MEGF11: variants seen among roughly 807,000 people sequenced by gnomAD.
The protein encoded by MEGF11 is multiple epidermal growth factor-like domains protein 11.
MEGF11 carries 126 observed loss-of-function variants against 146.6 expected under a neutral mutation model. The ratio of observed to expected loss-of-function variants is 0.86; its 90% CI spans 0.74 to 1.00. The LOEUF is 1.00. Among genes scored for constraint, MEGF11 ranks in the 50% least tolerant of loss-of-function variants. The probability of loss-of-function intolerance (pLI) is 0.00; values close to 1 mark genes in which losing one functional copy is unlikely to be tolerated. For synonymous variants in MEGF11, 532 were observed against 583.4 expected, an observed-to-expected ratio of 0.91 and a Z score of 1.27; for missense variants, 1,509 against 1,521.2, an observed-to-expected ratio of 0.99 and a Z score of 0.13.
chr15:66,046,457 G>C (rs1009600611), intron 5 of MEGF11, among the ~76,000 whole-genome samples: 2 of 152,348 alleles, frequency 1.3e-5, no homozygotes, highest in Non-Finnish European at 1.5e-5. Flanking sequence ...GCTTTCTTTA[G>C]AGCTCAGCTG....
At chr15:65,959,172 C>T (rs976616806) in intron 9 of MEGF11, among the ~76,000 whole-genome samples, 2 of 152,212 alleles carry the variant, frequency 1.3e-5, no homozygotes, top group African/African-American at 4.8e-5. Flanking sequence ...CACTAGGTTG[C>T]AGCTCCGTGG....
intron 1 of MEGF11, among the ~76,000 whole-genome samples, chr15:66,200,114 C>T (rs1179947470): frequency 1.3e-5 from 2 of 152,206 alleles, no homozygotes; most frequent in African/African-American, 4.8e-5. Flanking sequence ...TAGAAGGAAA[C>T]ATACCAAAAT....
chr15:66,200,064 C>T lies in MEGF11; in HGVS notation c.-9+53541G>A, dbSNP rs988657574. Among the ~76,000 whole-genome samples the T allele has an allele frequency of 1.3e-4, 20 of 152,298 alleles. 1 individual carries two copies. In the East Asian group the frequency reaches 3.9e-3, roughly 29 times the overall value. On this transcript the variant is annotated intron_variant, in intron 1 of 25. Coordinates refer to ENST00000395614, the MANE Select transcript of MEGF11 (RefSeq NM_001385028.1). The stretch of plus-strand genomic sequence containing the variant: ...ATATACAAATCTGTATACGGTATAA[C>T]CTCAACTATGAATACGTCAATATTC...
rs147140668 is a variant in MEGF11, at chr15:66,042,056, G to A, written c.394+52346C>T. ...TAGCTCAACAACTTAGAGCCAATTA[G>A]AGGGAGGTATTTGGTCATGTAGCAG... On this transcript the variant is annotated intron_variant, in intron 5 of 25. Coordinates refer to ENST00000395614, the MANE Select transcript of MEGF11 (RefSeq NM_001385028.1). Among the ~76,000 whole-genome samples, 379 of 151,690 alleles carry A rather than the reference G, an allele frequency of 2.5e-3. 2 individuals are homozygous for A. The highest frequency in any genetic ancestry group is 8.8e-3 in the African/African-American group (365 of 41,338).
chr15:65,950,144 G>GCATCAT (rs145886491), intron 10 of MEGF11, among the ~76,000 whole-genome samples: 2 of 152,066 alleles, frequency 1.3e-5, no homozygotes, highest in African/African-American at 4.8e-5. Flanking sequence ...AGCAGTAGTG[G>GCATCAT]CATCATCATC....
At chr15:65,969,672 C>T (rs987820660) in intron 8 of MEGF11, among the ~76,000 whole-genome samples, 8 of 152,170 alleles carry the variant, frequency 5.3e-5, no homozygotes, top group Non-Finnish European at 7.3e-5. Flanking sequence ...GCCTACATCC[C>T]GGCTTTCTGA....
intron 1 of MEGF11, among the ~76,000 whole-genome samples, chr15:66,232,120 C>T (rs2091978712): frequency 6.6e-6 from 1 of 152,190 alleles, no homozygotes; most frequent in East Asian, 1.9e-4. Flanking sequence ...ACCAAGCTGC[C>T]CTCGGCAGGC....
chr15:66,247,294 T>C (rs1227721189), intron 1 of MEGF11, among the ~76,000 whole-genome samples: 1 of 152,206 alleles, frequency 6.6e-6, no homozygotes, highest in African/African-American at 2.4e-5. Context: ...CTGCATTAGA[T>C]GATTATAAAT....
At chr15:66,103,490 T>C (rs1290839283) in intron 4 of MEGF11, among the ~76,000 whole-genome samples, 1 of 152,180 alleles carries the variant, frequency 6.6e-6, no homozygotes, top group Non-Finnish European at 1.5e-5. Flanking sequence ...GAGTTAGTAA[T>C]GAGGCCTAGC....
At chr15:66,119,891 A>C (rs1350844629) in intron 3 of MEGF11, among the ~76,000 whole-genome samples, 1 of 152,188 alleles carries the variant, frequency 6.6e-6, no homozygotes, top group East Asian at 1.9e-4. Context: ...GCTTAGCCCC[A>C]TGCCAGAGGG....
intron 5 of MEGF11, among the ~76,000 whole-genome samples, chr15:66,047,643 C>T (rs1035915490): frequency 6.6e-6 from 1 of 152,164 alleles, no homozygotes; most frequent in African/African-American, 2.4e-5. Context: ...ATCCCTTTTT[C>T]CCTGGCCCAC....
intron 5 of MEGF11, among the ~76,000 whole-genome samples, chr15:65,988,725 A>G (rs1380738447): frequency 1.3e-5 from 2 of 152,252 alleles, no homozygotes; most frequent in Non-Finnish European, 2.9e-5. Flanking sequence ...AGGAAGGTTT[A>G]GGTGCCTGTG....
rs1159128222 is a variant in MEGF11 at position 65,980,881 on chromosome 15, G to A, written c.659C>T (p.Pro220Leu). Reference protein sequence around the residue: ...YTGVYCEELCPPGSHGAHCEL... With the variant: ...YTGVYCEELCLPGSHGAHCEL... ...ACAGTGAGCTCCATGGCTCCCAGGAGGGCACAGCTCCTCGCAGCTGCATGG... is the reference window on the plus strand; with the variant it reads ...ACAGTGAGCTCCATGGCTCCCAGGAAGGCACAGCTCCTCGCAGCTGCATGG... Residue 220 changes from proline to leucine, a missense_variant, in exon 7 of 26, where the codon CCT becomes CTT. Coordinates refer to ENST00000395614, the MANE Select transcript of MEGF11 (RefSeq NM_001385028.1). The A allele has an allele frequency of 5.0e-6, 8 of 1,589,612 alleles. No homozygotes were observed. The African/African-American group carries it at 8.1e-5, about 16-fold the overall frequency.
intron 5 of MEGF11, among the ~76,000 whole-genome samples, chr15:65,999,221 G>A (rs2082287117): frequency 6.6e-6 from 1 of 151,514 alleles, no homozygotes; most frequent in Non-Finnish European, 1.5e-5. Context: ...GTAGAGATGG[G>A]GTCTCCCTAC....
rs368460532 is a variant in MEGF11, at chr15:66,228,780, T to C, written c.-9+24825A>G. Among the ~76,000 whole-genome samples the C allele has an allele frequency of 4.6e-5, 7 of 152,282 alleles. No individual in the cohort carries two copies. The East Asian group carries it at 1.4e-3, about 29-fold the overall frequency. On this transcript the variant is annotated intron_variant, in intron 1 of 25. Transcript: ENST00000395614. Reference sequence around the variant, plus strand: ...CCCAGGAGGCTGACAAGCATGGGCTTTATGAGAGGAGGCCCCCTTGATCTC... The same window carrying C: ...CCCAGGAGGCTGACAAGCATGGGCTCTATGAGAGGAGGCCCCCTTGATCTC...
chr15:66,152,225 C>T (rs1284003751), intron 1 of MEGF11, among the ~76,000 whole-genome samples: 5 of 152,132 alleles, frequency 3.3e-5, no homozygotes, highest in African/African-American at 1.2e-4. Context: ...AATATGAACC[C>T]ACCTTGGTCT....
intron 1 of MEGF11, among the ~76,000 whole-genome samples, chr15:66,246,345 C>A (rs2092296211): frequency 6.6e-6 from 1 of 151,958 alleles, no homozygotes; most frequent in South Asian, 2.1e-4. Flanking sequence ...GGCAGGGGTA[C>A]CTGCTCAGGT....
rs556740964 is a variant in MEGF11 at position 66,249,963 on chromosome 15, C to T, written c.-9+3642G>A. ...TATCAGGGAACACCTGGATTCTATA[C>T]GGGCTGGGCCCCTCTTACTGCACAG... On this transcript the variant is annotated intron_variant, in intron 1 of 25. Transcript: ENST00000395614. Among the ~76,000 whole-genome samples, 68 of 152,324 alleles carry T rather than the reference C, an allele frequency of 4.5e-4. No individual in the cohort carries two copies. The Middle Eastern group carries it at 0.01, about 23-fold the overall frequency.
rs145027939 is a variant in MEGF11 at position 65,944,039 on chromosome 15, C to T, written c.1288-13096G>A. Among the ~76,000 whole-genome samples the T allele has an allele frequency of 6.7e-3, 1,027 of 152,248 alleles. 6 individuals are homozygous for T. Among genetic ancestry groups the T allele is most frequent in the Non-Finnish European group, 0.011 (750 of 68,020 alleles). The stretch of plus-strand genomic sequence containing the variant: ...AGAAAACTAGGGTCCAAGTAAAATG[C>T]GGTGCATTCACATTTTAGGGGATGC... On this transcript the variant is annotated intron_variant, in intron 10 of 25. Coordinates refer to ENST00000395614, the MANE Select transcript of MEGF11 (RefSeq NM_001385028.1).
Sources: gnomAD v4.1 joint callset for allele counts (sites outside exome capture counted in the v4.1 genomes callset) on GRCh38, gnomAD v4.1.1 for gene constraint, MANE v1.5 for transcripts, NCBI Gene and HGNC (gene_info 2026-07-23, HGNC 2026-07-21) for gene names.